RBMS3: variants seen among roughly 807,000 people sequenced by gnomAD.
The protein encoded by RBMS3 is RNA-binding motif, single-stranded-interacting protein 3.
A neutral mutation model predicts 66.8 loss-of-function variants in RBMS3; 27 were observed. That is an observed-to-expected ratio of 0.40 (90% confidence interval 0.30 to 0.56). RBMS3 has a LOEUF of 0.56. Among genes scored for constraint, RBMS3 ranks in the 20% least tolerant of loss-of-function variants. The pLI, the probability that RBMS3 is intolerant of heterozygous loss-of-function variation, is 0.40. For synonymous variants in RBMS3, 188 were observed against 183.0 expected (o/e 1.03, Z -0.22); for missense variants, 513 against 549.5 (o/e 0.93, Z 0.66).
At chr3:29,886,986 AG>A (rs1239970689) in intron 8 of RBMS3, among the ~76,000 whole-genome samples, 1 of 151,820 alleles carries the variant, frequency 6.6e-6, no homozygotes, top group African/African-American at 2.4e-5. Context: ...CTGGTGAATA[AG>A]ACACACCCAG....
rs368204054 is a variant in RBMS3 at position 29,986,961 on chromosome 3, C to CAACA, written c.1099-1180_1099-1177dup. On this transcript the variant is annotated intron_variant, in intron 12 of 14. Transcript: ENST00000383767. ...CAGTTTGAAAAGAGGAGGAAAACAA[C>CAACA]AACAACAAAGAAAAAGAAAAGATGG... 6.3e-3 allele frequency among the ~76,000 whole-genome samples: 966 copies of CAACA among 152,144 alleles called. 8 individuals carry two copies. Among genetic ancestry groups the CAACA allele is most frequent in the African/African-American group, 0.022 (921 of 41,528 alleles).
chr3:29,908,527 G>C (rs532855822), intron 10 of RBMS3, among the ~76,000 whole-genome samples: 20 of 152,208 alleles, frequency 1.3e-4, no homozygotes, highest in African/African-American at 4.6e-4. Flanking sequence ...GTATGAGCAA[G>C]TTGTAAATCA....
intron 1 of RBMS3, among the ~76,000 whole-genome samples, chr3:29,408,271 C>CAAAAA (rs10708935): frequency 2.7e-5 from 2 of 74,850 alleles, no homozygotes; most frequent in African/African-American, 9.8e-5. Flanking sequence ...GACTCCATCT[C>CAAAAA]AAAAAAAAAA....
At chr3:29,349,434 T>C (rs1281832592) in intron 1 of RBMS3, among the ~76,000 whole-genome samples, 1 of 152,216 alleles carries the variant, frequency 6.6e-6, no homozygotes, top group Non-Finnish European at 1.5e-5. Flanking sequence ...CTTTGTCCTC[T>C]ATGTTTCCTG....
At chr3:29,360,292 A>T (rs974939687) in intron 1 of RBMS3, among the ~76,000 whole-genome samples, 24 of 151,740 alleles carry the variant, frequency 1.6e-4, no homozygotes, top group African/African-American at 5.3e-4. Context: ...TTCTGCCTTC[A>T]TTTCGTTATG....
At chr3:29,438,894 AAAAG>A (rs2041501900) in intron 2 of RBMS3, among the ~76,000 whole-genome samples, 1 of 152,216 alleles carries the variant, frequency 6.6e-6, no homozygotes, top group African/African-American at 2.4e-5. Context: ...CTGTAAGTGC[AAAAG>A]AGAGAGGAGC....
At chr3:29,817,451 C>T (rs1044519951) in intron 6 of RBMS3, among the ~76,000 whole-genome samples, 3 of 152,002 alleles carry the variant, frequency 2.0e-5, no homozygotes, top group African/African-American at 7.2e-5. Flanking sequence ...GTGATCTGCT[C>T]GCCTCAGCCT....
intron 12 of RBMS3, among the ~76,000 whole-genome samples, chr3:29,968,882 G>A (rs1202461146): frequency 1.5e-5 from 2 of 135,490 alleles, no homozygotes; most frequent in Non-Finnish European, 3.3e-5. Context: ...ACCTGAATGC[G>A]TTAACATTTG....
rs151103772 is a variant in RBMS3 at position 29,917,512 on chromosome 3, G to A, written c.939+17757G>A. On this transcript the variant is annotated intron_variant, in intron 10 of 14. Coordinates refer to ENST00000383767, the MANE Select transcript of RBMS3 (RefSeq NM_001003793.3). ...TCTTTATGAAACTTCCAGTGTATTG[G>A]GGAAGAGAGAAATCAAATCAGTATT... is the stretch of plus-strand genomic sequence containing the variant. 1.8e-4 allele frequency among the ~76,000 whole-genome samples: 27 copies of A among 152,086 alleles called. No homozygotes were observed. In the East Asian group the frequency reaches 3.9e-3, roughly 22 times the overall value.
intron 3 of RBMS3, among the ~76,000 whole-genome samples, chr3:29,491,979 C>T (rs2043564345): frequency 6.9e-6 from 1 of 144,132 alleles, no homozygotes; most frequent in Non-Finnish European, 1.5e-5. Flanking sequence ...GGTGACAGAG[C>T]AAGGCTCAGT....
At chr3:29,520,285 T>C (rs912912109) in intron 3 of RBMS3, among the ~76,000 whole-genome samples, 3 of 152,216 alleles carry the variant, frequency 2.0e-5, no homozygotes, top group Non-Finnish European at 2.9e-5. Flanking sequence ...TAAAATTGAT[T>C]GCATGTCAAA....
intron 11 of RBMS3, among the ~76,000 whole-genome samples, chr3:29,941,452 G>T (rs1045976892): frequency 1.3e-5 from 2 of 151,610 alleles, no homozygotes; most frequent in Admixed American, 1.3e-4. Context: ...ATCTAAAATA[G>T]TTTTTTAGGA....
chr3:29,425,216 C>T (rs200116781), intron 1 of RBMS3, among the ~76,000 whole-genome samples: 8 of 120,020 alleles, frequency 6.7e-5, no homozygotes, highest in African/African-American at 2.4e-4. Context: ...CCAAAAAAAA[C>T]AAAAAAAAAA....
chr3:29,977,041 T>C (rs1697637595), intron 12 of RBMS3, among the ~76,000 whole-genome samples: 1 of 152,160 alleles, frequency 6.6e-6, no homozygotes, highest in African/African-American at 2.4e-5. Flanking sequence ...TGTTTTCTTC[T>C]GTTCAACTTC....
At chr3:29,303,794 A>G (rs2033831541) in intron 1 of RBMS3, among the ~76,000 whole-genome samples, 1 of 152,026 alleles carries the variant, frequency 6.6e-6, no homozygotes, top group African/African-American at 2.4e-5. Flanking sequence ...CTGTTGATAC[A>G]GAGATAACCG....
chr3:29,834,437 A>T (rs1405388205), intron 6 of RBMS3, among the ~76,000 whole-genome samples: 1 of 152,090 alleles, frequency 6.6e-6, no homozygotes, highest in East Asian at 1.9e-4. Context: ...AGTCGTAACA[A>T]TAAAAACTTA....
At chr3:29,426,719 TA>T (rs547453299) in intron 1 of RBMS3, among the ~76,000 whole-genome samples, 1 of 149,374 alleles carries the variant, frequency 6.7e-6, no homozygotes, top group Non-Finnish European at 1.5e-5. Context: ...CTTTCATGTT[TA>T]AAAAATAATT....
rs922496442 is a variant in RBMS3, at chr3:29,487,566, G to A, written c.249-875G>A. On this transcript the variant is annotated intron_variant, in intron 2 of 14. Transcript: ENST00000383767. ...TCATCATTCTCAGAGAATGCCGAGG[G>A]CTGGAGACATTTTTATATAGCTGAT... Among the ~76,000 whole-genome samples the A allele has an allele frequency of 3.9e-5, 6 of 152,004 alleles. No individual in the cohort carries two copies. The South Asian group carries it at 1.2e-3, about 32-fold the overall frequency.
At chr3:29,589,772 T>C (rs1031477204) in intron 4 of RBMS3, among the ~76,000 whole-genome samples, 31 of 152,098 alleles carry the variant, frequency 2.0e-4, no homozygotes, top group Admixed American at 5.9e-4. Flanking sequence ...ATCTACTGAA[T>C]CACCTCTTGC....
Sources: gnomAD v4.1 joint callset for allele counts (sites outside exome capture counted in the v4.1 genomes callset) on GRCh38, gnomAD v4.1.1 for gene constraint, MANE v1.5 for transcripts, NCBI Gene and HGNC (gene_info 2026-07-23, HGNC 2026-07-21) for gene names.